The following SLC9C2 variants were observed in gnomAD, a reference collection of about 807,000 sequenced individuals.
The protein encoded by SLC9C2 is sodium/hydrogen exchanger 11.
In SLC9C2, 75 loss-of-function variants were observed where a neutral mutation model predicts 140.2. The ratio of observed to expected loss-of-function variants is 0.53; its 90% CI spans 0.44 to 0.65. The LOEUF (loss-of-function observed/expected upper bound fraction) is 0.65, where lower values mean the gene tolerates loss of function less well. Ranked by LOEUF, SLC9C2 falls within the 30% of genes least tolerant of loss-of-function variation. The probability of loss-of-function intolerance (pLI) is 0.00; values close to 1 mark genes in which losing one functional copy is unlikely to be tolerated. For missense variants in SLC9C2, 1,074 were observed against 1,331.8 expected (o/e 0.81, Z 3.01); for synonymous variants, 375 against 420.9 (o/e 0.89, Z 1.34).
chr1:173,525,998 C>A (rs561504671), intron 19 of SLC9C2, among the ~76,000 whole-genome samples: 1 of 152,188 alleles, frequency 6.6e-6, no homozygotes, highest in South Asian at 2.1e-4. Context: ...TGGCATCTTA[C>A]AATGTGGTCA....
At chr1:173,590,653 T>G (rs1666107220) in intron 4 of SLC9C2, among the ~76,000 whole-genome samples, 1 of 152,134 alleles carries the variant, frequency 6.6e-6, no homozygotes, top group Non-Finnish European at 1.5e-5. Flanking sequence ...TATTATAAAG[T>G]AAAATAAGGG....
chr1:173,572,193 A>G (rs1246672950), intron 9 of SLC9C2, among the ~76,000 whole-genome samples: 1 of 152,242 alleles, frequency 6.6e-6, no homozygotes, highest in Non-Finnish European at 1.5e-5. Context: ...TATACTAGGG[A>G]GCAATGACTA....
intron 23 of SLC9C2, among the ~76,000 whole-genome samples, chr1:173,511,809 A>G (rs1660076489): frequency 6.6e-6 from 1 of 152,196 alleles, no homozygotes; most frequent in African/African-American, 2.4e-5. Flanking sequence ...TCTTTAATCC[A>G]TCTTGAGTTA....
intron 4 of SLC9C2, among the ~76,000 whole-genome samples, chr1:173,595,192 G>A (rs762225816): frequency 1.3e-5 from 2 of 152,096 alleles, no homozygotes; most frequent in Non-Finnish European, 2.9e-5. Context: ...CCTAAATCCA[G>A]AATAAACTGC....
chr1:173,538,665 T>A (rs1386708320), intron 13 of SLC9C2, among the ~76,000 whole-genome samples: 1 of 152,120 alleles, frequency 6.6e-6, no homozygotes, highest in African/African-American at 2.4e-5. Flanking sequence ...CAACTGAGTT[T>A]TAAGGAGAAG....
In SLC9C2 at chr1:173,534,496, T is replaced by C; in HGVS notation, c.1962A>G (p.Glu654=). The C allele has an allele frequency of 1.3e-6, 2 of 1,576,224 alleles. No homozygotes were observed. The highest frequency in any genetic ancestry group is 1.9e-5 in the Admixed American group (1 of 51,520). Residue 654 remains glutamate, a synonymous_variant, in exon 16 of 28, where the codon GAA becomes GAG. Coordinates refer to ENST00000367714, the MANE Select transcript of SLC9C2 (RefSeq NM_178527.4). Reference sequence around the variant, plus strand: ...TTTTAAACAGTACCTTCAATGTTGATTCTAATACATATAAAAACATAAAAT... The same window carrying C: ...TTTTAAACAGTACCTTCAATGTTGACTCTAATACATATAAAAACATAAAAT... The part of the protein sequence containing the change: ...NYYFMFLYVL[E]STLKIIILKR...
At chr1:173,524,482 A>G (rs894423917) in intron 20 of SLC9C2, among the ~76,000 whole-genome samples, 2 of 152,204 alleles carry the variant, frequency 1.3e-5, no homozygotes, top group Non-Finnish European at 2.9e-5. Context: ...CTTGTCACAT[A>G]TCCTGGCTAT....
At chr1:173,568,976 T>G (rs1373004728) in intron 9 of SLC9C2, among the ~76,000 whole-genome samples, 1 of 152,188 alleles carries the variant, frequency 6.6e-6, no homozygotes, top group Non-Finnish European at 1.5e-5. Flanking sequence ...CCTTTAGCAT[T>G]TCTTCTAGGA....
chr1:173,585,810 A>T lies in SLC9C2; in HGVS notation c.523+1855T>A, dbSNP rs1399936517. On this transcript the variant is annotated intron_variant, in intron 5 of 27. Coordinates refer to ENST00000367714, the MANE Select transcript of SLC9C2 (RefSeq NM_178527.4). The stretch of plus-strand genomic sequence containing the variant: ...GGCAAAACCCCCTCTCTACTAAAAA[A>T]TACAAAAATTATCCAGGCGTAGCAG... 4.6e-5 allele frequency among the ~76,000 whole-genome samples: 7 copies of T among 152,188 alleles called. No individual in the cohort carries two copies. In the East Asian group the frequency reaches 1.4e-3, roughly 29 times the overall value.
Position 173,515,703 on chromosome 1 carries a change from C to T in SLC9C2, c.2907+1834G>A, listed in dbSNP as rs551571291. On this transcript the variant is annotated intron_variant, in intron 23 of 27. Coordinates refer to ENST00000367714, the MANE Select transcript of SLC9C2 (RefSeq NM_178527.4). ...TCCTCCATCCAGTTCTGTGCCTTTG[C>T]TGGACAGGCATTGCGATCATGTATA... Among the ~76,000 whole-genome samples the T allele has an allele frequency of 3.3e-5, 5 of 152,290 alleles. No individual in the cohort carries two copies. The South Asian group carries it at 1.0e-3, about 32-fold the overall frequency.
At chr1:173,594,863 C>CT (rs1355829118) in intron 4 of SLC9C2, among the ~76,000 whole-genome samples, 2 of 152,066 alleles carry the variant, frequency 1.3e-5, no homozygotes, top group Non-Finnish European at 2.9e-5. Flanking sequence ...GAAAAGAGCA[C>CT]TTACAGTGTC....
intron 7 of SLC9C2, among the ~76,000 whole-genome samples, chr1:173,579,192 C>A (rs140108299): frequency 2.0e-5 from 3 of 152,154 alleles, no homozygotes; most frequent in African/African-American, 7.2e-5. Context: ...ACAGATATTT[C>A]CTCTCTGCTG....
At chr1:173,574,981 A>T (rs1210141651) in intron 8 of SLC9C2, among the ~76,000 whole-genome samples, 1 of 152,000 alleles carries the variant, frequency 6.6e-6, no homozygotes, top group African/African-American at 2.4e-5. Flanking sequence ...TTAGCCAGGT[A>T]TCCTGGTGCA....
intron 23 of SLC9C2, among the ~76,000 whole-genome samples, chr1:173,511,319 C>T (rs774964907): frequency 6.6e-6 from 1 of 152,014 alleles, no homozygotes; most frequent in Non-Finnish European, 1.5e-5. Context: ...CATGAGCCAC[C>T]GTGCCTGGCC....
At position 173,561,371 on chromosome 1, in the gene SLC9C2, A is replaced by T. The variant is rs184842449; in HGVS notation, c.1047-3863T>A. Among the ~76,000 whole-genome samples the T allele has an allele frequency of 6.9e-3, 1,043 of 152,238 alleles. 6 individuals carry two copies. Among genetic ancestry groups the T allele is most frequent in the Non-Finnish European group, 9.8e-3 (665 of 68,008 alleles). ...CAGAGACCAGTGAAAAAAATGTACC[A>T]TATTGTTTGGCTTCTAAGCTGAAAG... On this transcript the variant is annotated intron_variant, in intron 9 of 27. Transcript: ENST00000367714.
intron 26 of SLC9C2, among the ~76,000 whole-genome samples, chr1:173,503,851 T>C (rs981619226): frequency 5.3e-5 from 8 of 152,244 alleles, no homozygotes; most frequent in African/African-American, 1.9e-4. Context: ...CATTTGTGAC[T>C]TTTGTCTGAA....
intron 3 of SLC9C2, among the ~76,000 whole-genome samples, chr1:173,599,362 ATTTTTT>A (rs61579339): frequency 1.5e-5 from 1 of 68,080 alleles, no homozygotes; most frequent in Non-Finnish European, 2.8e-5. Context: ...ATTTTCCTTG[ATTTTTT>A]TTTTTTTTTT....
chr1:173,521,000 C>T (rs944223426), intron 22 of SLC9C2, among the ~76,000 whole-genome samples: 3 of 152,106 alleles, frequency 2.0e-5, no homozygotes, highest in Admixed American at 2.0e-4. Context: ...ATTCTATTTC[C>T]TTTAGGTGAG....
intron 9 of SLC9C2, among the ~76,000 whole-genome samples, chr1:173,570,666 T>A (rs1352705207): frequency 6.6e-6 from 1 of 152,160 alleles, no homozygotes; most frequent in Non-Finnish European, 1.5e-5. Flanking sequence ...CAAGTTCACT[T>A]AGTATCCCAC....
Sources: gnomAD v4.1 joint callset for allele counts (sites outside exome capture counted in the v4.1 genomes callset) on GRCh38, gnomAD v4.1.1 for gene constraint, MANE v1.5 for transcripts, NCBI Gene and HGNC (gene_info 2026-07-23, HGNC 2026-07-21) for gene names.